Variants in GAK observed in about 807,000 individuals in gnomAD.
GAK encodes the protein cyclin G associated kinase, also known as cyclin-G-associated kinase.
Under a neutral mutation model 143.9 loss-of-function variants are expected in GAK, and 79 were observed. The ratio of observed to expected loss-of-function variants is 0.55; its 90% CI spans 0.46 to 0.66. The LOEUF is 0.66. Among genes scored for constraint, GAK ranks in the 30% least tolerant of loss-of-function variants. The probability of loss-of-function intolerance (pLI) is 0.00; values close to 1 mark genes in which losing one functional copy is unlikely to be tolerated. For missense variants in GAK, 1,693 were observed against 1,779.7 expected, an observed-to-expected ratio of 0.95 and a Z score of 0.88; for synonymous variants, 881 against 765.5, an observed-to-expected ratio of 1.15 and a Z score of -2.49.
chr4:879,136 ATG>A (rs1714580520), intron 15 of GAK, among the ~76,000 whole-genome samples: 1 of 152,124 alleles, frequency 6.6e-6, no homozygotes, highest in Admixed American at 6.5e-5. Flanking sequence ...GAGAGAATGG[ATG>A]TGTGTGGTTC....
rs1305500507 is a variant in GAK, at chr4:850,941, G to C, written c.3652C>G (p.Leu1218Val). The C allele has an allele frequency of 6.2e-7, 1 of 1,612,916 alleles. No individual in the cohort carries two copies. The highest frequency in any genetic ancestry group is 8.5e-7 in the Non-Finnish European group (1 of 1,179,338). ...AGAGCTGCCCACCCACCCACCTTCA[G>C]CTTGAGTGGGTCCGTGTCTTTAGCC... ...DLAKDTDPLK[L>V]KLLDWIEGKE... Residue 1218 changes from leucine to valine, a missense_variant, in exon 26 of 28, where the codon CTG (leucine) becomes GTG (valine). By Grantham distance (32) the Leu-to-Val change is conservative. Around this residue, in one of 2 missense-constraint regions of GAK, gnomAD observed 822 missense variants for 788.7 expected, o/e 1.04. Coordinates refer to ENST00000314167, the MANE Select transcript of GAK (RefSeq NM_005255.4).
chr4:912,885 G>C (rs759299909), intron 2 of GAK, 91 bp from the exon 3 acceptor site: 180 of 1,097,796 alleles, frequency 1.6e-4, no homozygotes, highest in Non-Finnish European at 2.3e-4. Context: ...GCACGCAACA[G>C]AGCAATGCAA....
rs779575869 is a variant in GAK, at chr4:883,464, C to CTGAA, written c.1256-5_1256-2dup. On this transcript the variant is annotated splice_acceptor_variant, in intron 12 of 27. Transcript: ENST00000314167. LOFTEE classifies it high-confidence loss of function. The stretch of plus-strand genomic sequence containing the variant: ...ACACCTTCTGCTGGGAATGACATCA[C>CTGAA]TGAAACAAGCAGACCTGCGTCAGCA... The CTGAA allele has an allele frequency of 1.2e-6, 2 of 1,613,318 alleles. No individual in the cohort carries two copies. Among genetic ancestry groups the CTGAA allele is most frequent in the Non-Finnish European group, 1.7e-6 (2 of 1,179,958 alleles).
rs550987012 is a variant in GAK at position 881,967 on chromosome 4, G to C, written c.1601C>G (p.Ala534Gly). Residue 534 changes from alanine to glycine, a missense_variant, in exon 15 of 28, where the codon GCC (alanine) becomes GGC (glycine). Ala to Gly is a moderately conservative substitution (Grantham distance 60, BLOSUM62 0). Around this residue, in one of 2 missense-constraint regions of GAK, gnomAD observed 871 missense variants for 991.0 expected, o/e 0.88. Coordinates refer to ENST00000314167, the MANE Select transcript of GAK (RefSeq NM_005255.4). ...CFCRLFSTAE[A>G]AVYMFSMKRC... ...CTTCATGCTGAACATGTACACGGCG[G>C]CCTCCGCGGTGCTGAAGAGACGGCA... is the stretch of plus-strand genomic sequence containing the variant. 58 of 1,602,108 alleles carry C rather than the reference G, an allele frequency of 3.6e-5. No homozygotes were observed. In the East Asian group the frequency reaches 1.1e-3, roughly 32 times the overall value.
intron 1 of GAK, among the ~76,000 whole-genome samples, chr4:920,802 A>T (rs1042025372): frequency 6.6e-6 from 1 of 152,132 alleles, no homozygotes; most frequent in Non-Finnish European, 1.5e-5. Flanking sequence ...TCGGCCTCCC[A>T]AAGTGCTGGG....
At chr4:887,470 A>ACG (rs1716682798) in intron 11 of GAK, 1 of 147,120 alleles carries the variant, frequency 6.8e-6, no homozygotes, top group Non-Finnish European at 1.5e-5. Flanking sequence ...CACGCAGCTC[A>ACG]CGCACACAGG....
rs750435373 is a variant in GAK, at chr4:877,160, G to A, written c.1904C>T (p.Thr635Met). The change falls in exon 17 of 28, where the codon ACG becomes ATG. Residue 635 changes from threonine (T) to methionine (M), a missense_variant. By Grantham distance (81) the Thr-to-Met change is moderately conservative (BLOSUM62 -1). This residue lies in a region of GAK where 871 missense variants were observed against 991.0 expected (regional missense o/e 0.88). Coordinates refer to ENST00000314167, the MANE Select transcript of GAK (RefSeq NM_005255.4). ...GACGATGAGCACGTCTCCTTGCACC[G>A]TGACGCCCAGGGGAATCACCGCTTT... ...DGKAVIPLGV[T>M]VQGDVLIVIY... 6.8e-6 allele frequency: 11 copies of A among 1,613,856 alleles called. No homozygotes were observed. Among genetic ancestry groups the A allele is most frequent in the South Asian group, 4.4e-5 (4 of 91,070 alleles).
chr4:890,582 G>T lies in GAK; in HGVS notation c.1031C>A (p.Ser344Tyr). 1 of 1,611,774 alleles carries T rather than the reference G, an allele frequency of 6.2e-7. No individual in the cohort carries two copies. The highest frequency in any genetic ancestry group is 8.5e-7 in the Non-Finnish European group (1 of 1,179,560). Reference protein sequence around the residue: ...QNGGYGSATLSRGPPPPVGPA... With the variant: ...QNGGYGSATLYRGPPPPVGPA... Reference sequence around the variant, plus strand: ...GCCCACGGGAGGGGGTGGCCCTCGGGACAGTGTGGCGCTCCCGTAGCCTCC... The same window carrying T: ...GCCCACGGGAGGGGGTGGCCCTCGGTACAGTGTGGCGCTCCCGTAGCCTCC... The change falls in exon 10 of 28, where the codon TCC (serine) becomes TAC (tyrosine). Residue 344 changes from serine (S) to tyrosine (Y), a missense_variant. Transcript: ENST00000314167.
chr4:882,937 G>C, intron 13 of GAK, 118 bp from the exon 14 acceptor site: 10 of 1,322,372 alleles, frequency 7.6e-6, no homozygotes, highest in Non-Finnish European at 9.3e-6. Context: ...GTCATGAACA[G>C]GCGTCCACCT....
intron 11 of GAK, among the ~76,000 whole-genome samples, chr4:884,763 G>A (rs536669013): frequency 6.6e-5 from 10 of 152,244 alleles, no homozygotes; most frequent in East Asian, 1.9e-4. Flanking sequence ...TGTGAGGGAA[G>A]GAGCAGAAGG....
intron 1 of GAK, among the ~76,000 whole-genome samples, chr4:920,539 A>ATTTTTTTTTTTTTTTTTT (rs34176109): frequency 1.1e-4 from 14 of 129,586 alleles, no homozygotes; most frequent in Non-Finnish European, 1.8e-4. Context: ...GTTTAGAGCC[A>ATTTTTTTTTTTTTTTTTT]TTTTTTTTTT....
chr4:919,475 C>A (rs910139209), intron 1 of GAK, among the ~76,000 whole-genome samples: 1 of 152,262 alleles, frequency 6.6e-6, no homozygotes, highest in Non-Finnish European at 1.5e-5. Flanking sequence ...CCAGCCGCAC[C>A]CCGCATTTGG....
At chr4:924,479 C>G (rs532389255) in intron 1 of GAK, among the ~76,000 whole-genome samples, 3 of 150,702 alleles carry the variant, frequency 2.0e-5, no homozygotes, top group Non-Finnish European at 4.4e-5. Flanking sequence ...GAAAAACACA[C>G]GTCCACAAAA....
intron 26 of GAK, 184 bp downstream of exon 26, chr4:850,752 G>A (rs888006143): frequency 1.8e-6 from 1 of 547,826 alleles, no homozygotes; most frequent in African/African-American, 1.9e-5. Context: ...GTCCTTGAGG[G>A]CTGCCAGGCC....
At position 851,771 on chromosome 4, in the gene GAK, C is replaced by A. The variant is rs1455189049; in HGVS notation, c.3487G>T (p.Gly1163Trp). The A allele has an allele frequency of 1.2e-6, 2 of 1,613,214 alleles. No homozygotes were observed. The highest frequency in any genetic ancestry group is 3.3e-5 in the Admixed American group (2 of 59,926). Residue 1163 changes from glycine to tryptophan, a missense_variant, in exon 25 of 28, where the codon GGG becomes TGG. This residue lies in a region of GAK where 822 missense variants were observed against 788.7 expected (regional missense o/e 1.04). Coordinates refer to ENST00000314167, the MANE Select transcript of GAK (RefSeq NM_005255.4). ...FSVIGAREER[G>W]VRAPSFAQKP... ...TCACCAAAGCTGGGTGCGCGGACCCCCCGCTCCTCCCGCGCCCCGATCACA... is the reference window on the plus strand; with the variant it reads ...TCACCAAAGCTGGGTGCGCGGACCCACCGCTCCTCCCGCGCCCCGATCACA...
At chr4:873,135 T>C (rs1560324726) in intron 18 of GAK, among the ~76,000 whole-genome samples, 1 of 152,244 alleles carries the variant, frequency 6.6e-6, no homozygotes, top group Non-Finnish European at 1.5e-5. Context: ...TGTAAGCCAC[T>C]GTGCGCAACC....
chr4:911,927 A>C (rs1354344394), intron 3 of GAK, 140 bp from the exon 4 acceptor site: 1 of 638,282 alleles, frequency 1.6e-6, no homozygotes, highest in Non-Finnish European at 2.8e-6. Flanking sequence ...TCAGAGCGGA[A>C]GATGAGGGAG....
chr4:889,709 C>A (rs901935380), intron 10 of GAK, among the ~76,000 whole-genome samples: 1 of 152,212 alleles, frequency 6.6e-6, no homozygotes. Flanking sequence ...AGTGGGGATG[C>A]GGGGCGAGGT....
At chr4:920,334 AC>A (rs1723711986) in intron 1 of GAK, among the ~76,000 whole-genome samples, 1 of 151,546 alleles carries the variant, frequency 6.6e-6, no homozygotes, top group Non-Finnish European at 1.5e-5. Context: ...AAAACCAACA[AC>A]AAAAAAACAC....
Sources: allele counts gnomAD v4.1 joint callset (sites outside exome capture counted in the v4.1 genomes callset), GRCh38; gene constraint gnomAD v4.1.1; regional missense constraint gnomAD v4.1.1; transcripts MANE v1.5; gene names NCBI Gene and HGNC (gene_info 2026-07-23, HGNC 2026-07-21).